The following RGS3 variants were observed in gnomAD, a reference collection of about 807,000 sequenced individuals.
RGS3 encodes regulator of G-protein signalling 3.
Under a neutral mutation model 132.6 loss-of-function variants are expected in RGS3, and 80 were observed. The observed-to-expected ratio is 0.60, with a 90% CI of 0.50 to 0.73. The LOEUF (loss-of-function observed/expected upper bound fraction) is 0.73. RGS3 is among the 30% of genes least tolerant of loss of function. The pLI is 0.00. For missense variants in RGS3, 1,382 were observed against 1,530.8 expected, an observed-to-expected ratio of 0.90 and a Z score of 1.62; for synonymous variants, 598 against 620.6, an observed-to-expected ratio of 0.96 and a Z score of 0.54.
At chr9:113,594,350 C>T (rs751967401) in intron 21 of RGS3, 80 bp from the exon 20 acceptor site, 34 of 1,594,466 alleles carry the variant, frequency 2.1e-5, no homozygotes, top group Middle Eastern at 1.7e-4. Flanking sequence ...TAGGTGCCCT[C>T]GACCCAGCTC....
At chr9:113,595,310 A>G (rs1835707779) in intron 23 of RGS3, among the ~76,000 whole-genome samples, 1 of 152,204 alleles carries the variant, frequency 6.6e-6, no homozygotes, top group Admixed American at 6.5e-5. Context: ...CTGCCATCTC[A>G]TGGGCAGGGT....
chr9:113,495,218 A>G (rs1009581829), intron 7 of RGS3, among the ~76,000 whole-genome samples: 2 of 152,074 alleles, frequency 1.3e-5, no homozygotes, highest in Admixed American at 6.5e-5. Context: ...GCCCCTCGCC[A>G]TAGTCTGACA....
At chr9:113,541,534 T>C in intron 19 of RGS3, 9 of 1,538,334 alleles carry the variant, frequency 5.9e-6, no homozygotes, top group Non-Finnish European at 7.9e-6. Context: ...AGGACCAAGA[T>C]GGTGGGTCTA....
At chr9:113,594,090 C>A (rs1193187956) in intron 21 of RGS3, 1 of 1,613,086 alleles carries the variant, frequency 6.2e-7, no homozygotes, top group Non-Finnish European at 8.5e-7. Context: ...CCTGGCTCCT[C>A]CTGTCTGAGT....
chr9:113,460,489 C>G (rs1438994711), intron 1 of RGS3, among the ~76,000 whole-genome samples: 8 of 151,780 alleles, frequency 5.3e-5, no homozygotes, highest in African/African-American at 1.5e-4. Context: ...CCACTGCACT[C>G]CAGCCTGAGT....
At chr9:113,563,220 G>A (rs1024616485) in intron 19 of RGS3, among the ~76,000 whole-genome samples, 39 of 152,204 alleles carry the variant, frequency 2.6e-4, no homozygotes, top group African/African-American at 7.2e-4. Context: ...AGCATAGGGC[G>A]TAATTTTGGA....
chr9:113,480,744 G>A (rs1830134428), intron 4 of RGS3, among the ~76,000 whole-genome samples: 3 of 152,238 alleles, frequency 2.0e-5, no homozygotes, highest in Admixed American at 6.5e-5. Flanking sequence ...GGATGCATTT[G>A]AAGAGCTGTC....
chr9:113,496,811 A>AGG (rs1830698220), intron 8 of RGS3, among the ~76,000 whole-genome samples: 1 of 152,068 alleles, frequency 6.6e-6, no homozygotes, highest in Non-Finnish European at 1.5e-5. Flanking sequence ...TCGGCCTCCC[A>AGG]AAGTGCTGGG....
intron 1 of RGS3, among the ~76,000 whole-genome samples, chr9:113,447,828 A>G (rs540742636): frequency 6.9e-6 from 1 of 145,758 alleles, no homozygotes; most frequent in Non-Finnish European, 1.5e-5. Flanking sequence ...TTGCATCTGG[A>G]TTATTGCATT....
In RGS3 at chr9:113,536,789, A is replaced by G; in HGVS notation, c.1915-7A>G. 6.2e-7 allele frequency: 1 copy of G among 1,612,726 alleles called. No homozygotes were observed. Among genetic ancestry groups the G allele is most frequent in the Middle Eastern group, 1.7e-4 (1 of 6,052 alleles). ...ACCGTCCGTTTCTCTATTTTCCCTG[A>G]CGTCAGAAGGCAGAGTGCTTATTCA... On this transcript the variant is annotated splice_polypyrimidine_tract_variant and splice_region_variant and intron_variant, in intron 18 of 24. Coordinates refer to ENST00000350696, the Ensembl canonical transcript of RGS3.
intron 19 of RGS3, among the ~76,000 whole-genome samples, chr9:113,540,496 A>G (rs1301220010): frequency 6.6e-6 from 1 of 152,134 alleles, no homozygotes; most frequent in African/African-American, 2.4e-5. Flanking sequence ...GCGGGTCCTA[A>G]GAAGGATCCA....
intron 19 of RGS3, among the ~76,000 whole-genome samples, chr9:113,575,323 A>C (rs1473413328): frequency 6.6e-6 from 1 of 152,124 alleles, no homozygotes; most frequent in African/African-American, 2.4e-5. Context: ...GGGGTGAGCT[A>C]ACCTTCTGTG....
At chr9:113,458,559 G>A (rs1318478503), upstream of RGS3, among the ~76,000 whole-genome samples, 2 of 152,064 alleles carry the variant, frequency 1.3e-5, no homozygotes, top group African/African-American at 2.4e-5. Flanking sequence ...TAGCTGTGGG[G>A]TATAGATGTA....
chr9:113,455,007 C>T (rs561341972), intron 1 of RGS3, among the ~76,000 whole-genome samples: 1 of 152,262 alleles, frequency 6.6e-6, no homozygotes, highest in South Asian at 2.1e-4. Flanking sequence ...GTGTGACTGT[C>T]TCCTCTCTGG....
chr9:113,513,087 T>C (rs940109105), intron 14 of RGS3, among the ~76,000 whole-genome samples: 2 of 152,086 alleles, frequency 1.3e-5, no homozygotes, highest in African/African-American at 4.8e-5. Context: ...TCCCAGCTAC[T>C]TGGGGGACTG....
Position 113,593,685 on chromosome 9 carries a change from G to C in RGS3, c.3081-745G>C. 7 of 560,060 alleles carry C rather than the reference G, an allele frequency of 1.2e-5. No individual in the cohort carries two copies. The South Asian group carries it at 1.5e-4, about 12-fold the overall frequency. The allele number at this position is 560,060 out of a possible 1,614,324, so 34.7% of individuals were successfully genotyped here. ...GGAGGTGCCCTGTACAGGGGGTCTA[G>C]GGAAAAGAGGGGCGAACATGAGCAA... On this transcript the variant is annotated intron_variant, in intron 21 of 24. Transcript: ENST00000350696.
At chr9:113,517,420 T>C in intron 15 of RGS3, 121 bp from the exon 14 acceptor site, 1 of 790,342 alleles carries the variant, frequency 1.3e-6, no homozygotes, top group Non-Finnish European at 2.2e-6. Flanking sequence ...GGTGGCGGGC[T>C]GACAGTCTTC....
Position 113,565,466 on chromosome 9 carries a change from A to G in RGS3, c.2038-17984A>G. 9.7e-7 allele frequency: 1 copy of G among 1,027,246 alleles called. No individual in the cohort carries two copies. The highest frequency in any genetic ancestry group is 1.3e-6 in the Non-Finnish European group (1 of 756,402). 63.6% of individuals were successfully genotyped at this position (1,027,246 alleles called of 1,614,324 possible). ...GTGATGCAAGGGTTTTGAAAGCGCT[A>G]CCTAGATGTGGGAGGTGGAACCTGG... On this transcript the variant is annotated intron_variant, in intron 19 of 24. Transcript: ENST00000350696. This position sits in a 1 kb window ranked among gnomAD's most constrained non-coding sequence, Gnocchi z 5.7.
At position 113,463,960 on chromosome 9, in the gene RGS3, C is replaced by A; in HGVS notation, c.415+1759C>A. 6.8e-7 allele frequency: 1 copy of A among 1,479,092 alleles called. No individual in the cohort carries two copies. Among genetic ancestry groups the A allele is most frequent in the Non-Finnish European group, 9.3e-7 (1 of 1,075,340 alleles). The allele number at this position is 1,479,092 out of a possible 1,614,324, so 91.6% of individuals were successfully genotyped here. On this transcript the variant is annotated intron_variant, in intron 3 of 24. Transcript: ENST00000350696. The surrounding 1 kb of genome is among the most constrained non-coding windows in gnomAD (Gnocchi z 4.6). ...CCAGAAACGCAGCCCCTCGTGGTGA[C>A]AGGGGAGGCTGGGAGCAGGTGCTCT...
Sources: allele counts gnomAD v4.1 joint callset (sites outside exome capture counted in the v4.1 genomes callset), GRCh38; gene constraint gnomAD v4.1.1; non-coding constraint Gnocchi (gnomAD v3.1); transcripts MANE v1.5; gene names NCBI Gene and HGNC (gene_info 2026-07-23, HGNC 2026-07-21).